The following KLK10 variants were observed in gnomAD, a reference collection of about 807,000 sequenced individuals.
KLK10 encodes the protein kallikrein-10.
Under a neutral mutation model 25.7 loss-of-function variants are expected in KLK10, and 27 were observed. The ratio of observed to expected loss-of-function variants is 1.05; its 90% confidence interval spans 0.77 to 1.45. The LOEUF is 1.45. Among genes scored for constraint, KLK10 ranks in the 40% most tolerant of loss-of-function variants. The probability of loss-of-function intolerance (pLI) is 0.00; values close to 1 mark genes in which losing one functional copy is unlikely to be tolerated. For missense variants in KLK10, 386 were observed against 370.0 expected (o/e 1.04, Z -0.35); for synonymous variants, 173 against 160.1 (o/e 1.08, Z -0.61).
At chr19:51,015,720 C>A (rs982930493) in intron 4 of KLK10, 162 bp downstream of exon 4, 14 of 1,053,862 alleles carry the variant, frequency 1.3e-5, no homozygotes, top group African/African-American at 1.3e-4. Context: ...AGGCCCCCAG[C>A]CCCTCCTCCC....
intron 2 of KLK10, among the ~76,000 whole-genome samples, chr19:51,018,000 C>CA (rs1162503837): frequency 0.056 from 1,571 of 28,052 alleles, 260 homozygotes; most frequent in Non-Finnish European, 0.074. Context: ...GACCCTGTCT[C>CA]AAAAAAAAAA....
intron 3 of KLK10, among the ~76,000 whole-genome samples, chr19:51,016,423 C>T (rs1452179346): frequency 2.0e-5 from 3 of 152,120 alleles, no homozygotes; most frequent in Non-Finnish European, 4.4e-5. Context: ...AACAGAGTTT[C>T]GCTCTTGTCA....
chr19:51,015,346 G>T, intron 5 of KLK10, 71 bp downstream of exon 5: 1 of 1,545,394 alleles, frequency 6.5e-7, no homozygotes, highest in Non-Finnish European at 8.9e-7. Flanking sequence ...CGGGCACAGG[G>T]TCTGCTCTTT....
In KLK10 at chr19:51,017,131, G is replaced by A. The variant is rs1343082353; in HGVS notation, c.248C>T (p.Thr83Met). ...CTACTTGTTTCCGCAGTGCGCGGCC[G>A]TCAGCACCCAACTCTGGTCCACCAG... ...GVLVDQSWVL[T>M]AAHCGNKPLW... is the part of the protein sequence containing the mutation. The change falls in exon 3 of 6, where the codon ACG (threonine) becomes ATG (methionine). Residue 83 changes from threonine (T) to methionine (M), a missense_variant. Transcript: ENST00000358789. The A allele has an allele frequency of 6.2e-7, 1 of 1,608,530 alleles. No homozygotes were observed. The highest frequency in any genetic ancestry group is 1.7e-5 in the Admixed American group (1 of 59,394).
Position 51,014,926 on chromosome 19 carries a change from A to G in KLK10, c.705T>C (p.Cys235=), listed in dbSNP as rs780842388. Residue 235 remains cysteine (C), a synonymous_variant, in exon 6 of 6, where the codon TGT becomes TGC. Transcript: ENST00000358789. ...CQSDSGGPLV[C]DETLQGILSW... is the part of the protein sequence containing the mutation. ...AGAGGATGCCTTGGAGGGTCTCGTC[A>G]CAGACCAGGGGGCCTCCAGAGTCAC... The G allele has an allele frequency of 5.6e-6, 9 of 1,613,962 alleles. No individual in the cohort carries two copies. The highest frequency in any genetic ancestry group is 1.3e-5 in the African/African-American group (1 of 75,038).
At chr19:51,018,191 G>GAAAAAAAA (rs2091358485) in intron 2 of KLK10, among the ~76,000 whole-genome samples, 2 of 74,574 alleles carry the variant, frequency 2.7e-5, no homozygotes, top group African/African-American at 5.6e-5. Context: ...AAAAAAGAAG[G>GAAAAAAAA]AAAGAAAAAG....
upstream of KLK10, chr19:51,019,969 G>C (rs1483151561): frequency 6.6e-6 from 1 of 152,054 alleles, no homozygotes; most frequent in Non-Finnish European, 1.5e-5. The surrounding 1 kb of genome is among the most constrained non-coding windows in gnomAD (Gnocchi z 4.2). Flanking sequence ...TGCCAAGAAG[G>C]CTTCCCAGGC....
intron 2 of KLK10, 185 bp downstream of exon 2, chr19:51,018,858 T>C: frequency 1.7e-6 from 1 of 595,666 alleles, no homozygotes; most frequent in East Asian, 2.8e-5. Flanking sequence ...GTGGGGCGGG[T>C]CACCCAGGGG....
chr19:51,014,182 C>G lies in KLK10; in HGVS notation c.*618G>C, dbSNP rs1187360890. ...TGAGGAAAATGATTCTTCCATCATC[C>G]CTAAGGGTTGGGGATGGAAGGTTGG... On this transcript the variant is annotated 3_prime_UTR_variant, in exon 6 of 6. Transcript: ENST00000358789. 1 of 152,314 alleles carries G rather than the reference C, an allele frequency of 6.6e-6. No individual in the cohort carries two copies. Among genetic ancestry groups the G allele is most frequent in the East Asian group, 1.9e-4 (1 of 5,180 alleles). The allele number at this position is 152,314 out of a possible 1,614,324, so 9.4% of individuals were successfully genotyped here.
chr19:51,017,175 C>A lies in KLK10; in HGVS notation c.204G>T (p.Ser68=), dbSNP rs138334684. The part of the protein sequence containing the change: ...PWQVSLFNGL[S]FHCAGVLVDQ... The stretch of plus-strand genomic sequence containing the variant: ...CCACCAGGACACCCGCGCAGTGGAA[C>A]GAGAGGCCGTTGAAGAGCGAGACCT... The change falls in exon 3 of 6, where the codon TCG becomes TCT. Residue 68 remains serine, a synonymous_variant. Transcript: ENST00000358789. 5.0e-5 allele frequency: 81 copies of A among 1,612,104 alleles called. No individual in the cohort carries two copies. In the African/African-American group the frequency reaches 9.1e-4, roughly 18 times the overall value.
At chr19:51,017,677 A>C (rs10423037) in intron 2 of KLK10, among the ~76,000 whole-genome samples, 47,283 of 149,778 alleles carry the variant, frequency 0.32, 7,707 homozygotes, top group African/African-American at 0.39. Context: ...GTGAATAACA[A>C]AACGGGATTG....
intron 5 of KLK10, 146 bp from the exon 6 acceptor site, chr19:51,015,098 A>T: frequency 1.4e-6 from 1 of 713,696 alleles, no homozygotes; most frequent in Admixed American, 2.7e-5. Flanking sequence ...ATGAGCTGGA[A>T]GGTAGGAATG....
At position 51,016,161 on chromosome 19, in the gene KLK10, G is replaced by A. The variant is rs377652307; in HGVS notation, c.270-5C>T. The stretch of plus-strand genomic sequence containing the variant: ...CCTACTCGAGCCCACAGTGGCCTGG[G>A]GGAAGGAAGAGGCATGTGAAGGCAA... On this transcript the variant is annotated splice_region_variant and splice_polypyrimidine_tract_variant and intron_variant, in intron 3 of 5. Transcript: ENST00000358789. 4 of 1,572,546 alleles carry A rather than the reference G, an allele frequency of 2.5e-6. No homozygotes were observed.
intron 2 of KLK10, chr19:51,018,621 G>GCT: frequency 5.7e-6 from 1 of 174,976 alleles, no homozygotes; most frequent in Admixed American, 5.9e-5. Flanking sequence ...GGAGAATGGT[G>GCT]TGAACCCGGG....
chr19:51,017,267 G>T lies in KLK10; in HGVS notation c.112C>A (p.Gln38Lys), dbSNP rs957610525. Residue 38 changes from glutamine to lysine, a missense_variant, in exon 3 of 6, where the codon CAA (glutamine) becomes AAA (lysine). By Grantham distance (53) the Gln-to-Lys change is moderately conservative (BLOSUM62 1). Coordinates refer to ENST00000358789, the MANE Select transcript of KLK10 (RefSeq NM_145888.3). ...LWAAEAALLPQNDTRLDPEAY... is the reference protein window; with the variant it reads ...LWAAEAALLPKNDTRLDPEAY... ...TCGGGGTCCAAGCGCGTGTCGTTTTGGGGGAGCAGCGCCGCCTCTGCGGCT... is the reference window on the plus strand; with the variant it reads ...TCGGGGTCCAAGCGCGTGTCGTTTTTGGGGAGCAGCGCCGCCTCTGCGGCT... 7.5e-6 allele frequency: 12 copies of T among 1,608,194 alleles called. No individual in the cohort carries two copies. Among genetic ancestry groups the T allele is most frequent in the Non-Finnish European group, 9.3e-6 (11 of 1,177,634 alleles).
intron 2 of KLK10, 170 bp from the exon 3 acceptor site, chr19:51,017,460 A>G: frequency 1.6e-6 from 1 of 629,670 alleles, no homozygotes; most frequent in Non-Finnish European, 2.7e-6. Flanking sequence ...ATGGGAGGAG[A>G]AGAAGCGCGT....
rs1225318289 is a variant in KLK10, at chr19:51,014,401, G to A, written c.*399C>T. The A allele has an allele frequency of 2.6e-5, 5 of 196,066 alleles. No individual in the cohort carries two copies. The highest frequency in any genetic ancestry group is 1.6e-4 in the Admixed American group (3 of 18,550). The allele number at this position is 196,066 out of a possible 1,614,324, so 12.1% of individuals were successfully genotyped here. On this transcript the variant is annotated 3_prime_UTR_variant, in exon 6 of 6. Transcript: ENST00000358789. ...CACAACATGTCTAAGAGGTAGGCAC[G>A]TCATTGTTCCCATTTTGCAGATGAG...
chr19:51,017,827 AAACAAAC>A (rs1010259685), intron 2 of KLK10, among the ~76,000 whole-genome samples: 21 of 82,830 alleles, frequency 2.5e-4, no homozygotes, highest in Non-Finnish European at 3.9e-4. Flanking sequence ...CTACAAAAAC[AAACAAAC>A]AACAACAACA....
intron 4 of KLK10, 65 bp downstream of exon 4, chr19:51,015,817 A>T: frequency 7.1e-7 from 1 of 1,411,790 alleles, no homozygotes; most frequent in East Asian, 2.4e-5. Flanking sequence ...CCTTCCTCAG[A>T]CCCAGGGGTT....
Sources: gnomAD v4.1 joint callset for allele counts (sites outside exome capture counted in the v4.1 genomes callset) on GRCh38, gnomAD v4.1.1 for gene constraint, Gnocchi (gnomAD v3.1) non-coding constraint, MANE v1.5 for transcripts, NCBI Gene and HGNC (gene_info 2026-07-23, HGNC 2026-07-21) for gene names.